Variants in MYO16 observed in about 807,000 individuals in gnomAD.
MYO16 encodes the protein unconventional myosin-XVI.
Under a neutral mutation model 205.3 loss-of-function variants are expected in MYO16, and 94 were observed. The ratio of observed to expected loss-of-function variants is 0.46; its 90% confidence interval spans 0.39 to 0.54. MYO16 has a LOEUF of 0.54. Among genes scored for constraint, MYO16 ranks in the 20% least tolerant of loss-of-function variants. The probability of loss-of-function intolerance (pLI) is 0.00; values close to 1 mark genes in which losing one functional copy is unlikely to be tolerated. For missense variants in MYO16, 2,315 were observed against 2,387.5 expected, an observed-to-expected ratio of 0.97 and a Z score of 0.63; for synonymous variants, 988 against 954.0, an observed-to-expected ratio of 1.04 and a Z score of -0.66.
chr13:108,725,182 T>C (rs1275741534), intron 3 of MYO16, among the ~76,000 whole-genome samples: 1 of 152,154 alleles, frequency 6.6e-6, no homozygotes, highest in African/African-American at 2.4e-5. Context: ...CTTCAATAGA[T>C]CCCCTCACTT....
At chr13:108,930,644 G>A (rs900686638) in intron 16 of MYO16, among the ~76,000 whole-genome samples, 4 of 152,156 alleles carry the variant, frequency 2.6e-5, no homozygotes, top group Admixed American at 1.3e-4. Context: ...TTCCCAAGGA[G>A]ATACCACCCT....
Position 108,698,024 on chromosome 13 carries a change from C to T in MYO16, c.293-14637C>T, listed in dbSNP as rs116618049. On this transcript the variant is annotated intron_variant, in intron 2 of 34. Coordinates refer to ENST00000457511, the MANE Select transcript of MYO16 (RefSeq NM_001198950.3). Reference sequence around the variant, plus strand: ...AGGTGTGAGCCACCGTGCCCGACCTCGCTCTCTTCTTTCTCCCTCTGCCTT... The same window carrying T: ...AGGTGTGAGCCACCGTGCCCGACCTTGCTCTCTTCTTTCTCCCTCTGCCTT... 9.8e-3 allele frequency among the ~76,000 whole-genome samples: 1,484 copies of T among 152,156 alleles called. 38 individuals are homozygous for T. Among genetic ancestry groups the T allele is most frequent in the African/African-American group, 0.034 (1,428 of 41,530 alleles).
intron 1 of MYO16, among the ~76,000 whole-genome samples, chr13:108,646,521 A>G (rs1202142019): frequency 6.6e-6 from 1 of 152,222 alleles, no homozygotes; most frequent in African/African-American, 2.4e-5. Flanking sequence ...TAGAATTTGT[A>G]AATTGGCATT....
upstream of MYO16, among the ~76,000 whole-genome samples, chr13:108,625,799 C>T (rs761905201): frequency 7.7e-4 from 118 of 152,272 alleles, no homozygotes; most frequent in Non-Finnish European, 1.4e-3. Context: ...ACTGTTAATA[C>T]GTACCTTTCC....
chr13:108,931,959 C>T (rs1053551059), intron 16 of MYO16, among the ~76,000 whole-genome samples: 8 of 152,108 alleles, frequency 5.3e-5, no homozygotes, highest in African/African-American at 1.7e-4. Flanking sequence ...AACATGCTGT[C>T]CTTTCTGATT....
At chr13:108,845,496 G>A (rs1877473585) in intron 10 of MYO16, among the ~76,000 whole-genome samples, 1 of 152,092 alleles carries the variant, frequency 6.6e-6, no homozygotes, top group African/African-American at 2.4e-5. Flanking sequence ...AAATGGGAAG[G>A]AGGAAGAGGC....
chr13:109,176,579 A>T (rs1185631713), intron 33 of MYO16, among the ~76,000 whole-genome samples: 1 of 129,208 alleles, frequency 7.7e-6, no homozygotes, highest in African/African-American at 3.6e-5. Context: ...TGTGCTGGTA[A>T]AAAAAAAAAA....
intron 29 of MYO16, among the ~76,000 whole-genome samples, chr13:109,124,624 T>C (rs1383286204): frequency 6.6e-6 from 1 of 152,226 alleles, no homozygotes; most frequent in East Asian, 1.9e-4. Context: ...TTATACACAA[T>C]CTTTTTCCAG....
the MYO16 span, among the ~76,000 whole-genome samples, chr13:108,572,662 GT>G: frequency 3.3e-5 from 5 of 151,896 alleles, no homozygotes; most frequent in Admixed American, 2.6e-4. Context: ...TTCCTTTATC[GT>G]TTTTTTGTGA....
intron 16 of MYO16, among the ~76,000 whole-genome samples, chr13:108,925,238 A>G (rs1420879895): frequency 1.3e-5 from 2 of 152,114 alleles, no homozygotes; most frequent in Non-Finnish European, 2.9e-5. Flanking sequence ...TAAAACAATG[A>G]AGTCATTGTG....
chr13:108,868,393 T>C (rs969725407), intron 12 of MYO16, among the ~76,000 whole-genome samples: 1 of 152,216 alleles, frequency 6.6e-6, no homozygotes, highest in Non-Finnish European at 1.5e-5. Context: ...ATTAACCACA[T>C]TTTCACATAA....
chr13:109,145,893 G>C (rs540873995), intron 32 of MYO16, among the ~76,000 whole-genome samples: 1 of 152,336 alleles, frequency 6.6e-6, no homozygotes, highest in African/African-American at 2.4e-5. Context: ...CAGAAATCTG[G>C]AGAAGAAAGT....
the MYO16 span, among the ~76,000 whole-genome samples, chr13:108,509,956 A>T: frequency 1.3e-5 from 2 of 152,132 alleles, no homozygotes; most frequent in African/African-American, 4.8e-5. Context: ...CTTTGCTACA[A>T]GATACAGCAG....
chr13:109,066,407 A>G (rs2139638491), intron 27 of MYO16, among the ~76,000 whole-genome samples: 1 of 152,264 alleles, frequency 6.6e-6, no homozygotes, highest in Admixed American at 6.5e-5. Context: ...TTCTGCTGAA[A>G]CTGTTCTTGA....
intron 9 of MYO16, among the ~76,000 whole-genome samples, chr13:108,835,354 T>G (rs1362473735): frequency 6.6e-6 from 1 of 152,210 alleles, no homozygotes; most frequent in African/African-American, 2.4e-5. Context: ...AGATTCCTCC[T>G]GCAATTATTG....
At chr13:108,759,913 C>A (rs1885549767) in intron 4 of MYO16, among the ~76,000 whole-genome samples, 1 of 151,520 alleles carries the variant, frequency 6.6e-6, no homozygotes, top group African/African-American at 2.4e-5. Flanking sequence ...ATTTGGTAGA[C>A]AAAAGGGCTT....
At chr13:108,597,316 T>C (rs919695069) in intron 1 of MYO16, among the ~76,000 whole-genome samples, 22 of 152,230 alleles carry the variant, frequency 1.4e-4, no homozygotes, top group Non-Finnish European at 3.1e-4. Flanking sequence ...CCTGTAGCTA[T>C]TCTTACCTAG....
intron 11 of MYO16, among the ~76,000 whole-genome samples, chr13:108,861,667 G>A (rs1176309150): frequency 1.3e-5 from 2 of 152,070 alleles, no homozygotes; most frequent in African/African-American, 4.8e-5. Context: ...TAGAGTGGTA[G>A]CTTATTGTGT....
chr13:109,193,060 A>G (rs1281173137), intron 34 of MYO16, among the ~76,000 whole-genome samples: 2 of 152,166 alleles, frequency 1.3e-5, no homozygotes, highest in East Asian at 3.8e-4. Context: ...ATAGTACAAA[A>G]TAATGATCAG....
Sources: allele counts gnomAD v4.1 joint callset (sites outside exome capture counted in the v4.1 genomes callset), GRCh38; gene constraint gnomAD v4.1.1; transcripts MANE v1.5; gene names NCBI Gene and HGNC (gene_info 2026-07-23, HGNC 2026-07-21).